MAP4K5: variants seen among roughly 807,000 people sequenced by gnomAD.
The protein encoded by MAP4K5 is MAPK/ERK kinase kinase kinase 5.
A neutral mutation model predicts 135.6 loss-of-function variants in MAP4K5; 82 were observed. That is an observed-to-expected ratio of 0.60 (90% CI 0.51 to 0.73). The LOEUF is 0.73. Ranked by LOEUF, MAP4K5 falls within the 30% of genes least tolerant of loss-of-function variation. The probability of loss-of-function intolerance (pLI) is 0.00; values close to 1 mark genes in which losing one functional copy is unlikely to be tolerated. For synonymous variants in MAP4K5, 347 were observed against 335.0 expected (o/e 1.04, Z -0.39); for missense variants, 907 against 1,010.9 (o/e 0.90, Z 1.39).
chr14:50,495,866 T>G (rs1042011397), intron 3 of MAP4K5, among the ~76,000 whole-genome samples: 4 of 152,224 alleles, frequency 2.6e-5, no homozygotes, highest in African/African-American at 7.2e-5. Context: ...GCCAAATTCA[T>G]AGATACCAAC....
intron 3 of MAP4K5, among the ~76,000 whole-genome samples, chr14:50,487,796 T>G (rs2037398361): frequency 6.6e-6 from 1 of 152,154 alleles, no homozygotes; most frequent in Non-Finnish European, 1.5e-5. Flanking sequence ...CTGCTTTCTG[T>G]GTTCACTCGC....
At chr14:50,553,518 A>G (rs2038728695) in intron 1 of MAP4K5, among the ~76,000 whole-genome samples, 1 of 152,190 alleles carries the variant, frequency 6.6e-6, no homozygotes, top group Non-Finnish European at 1.5e-5. Context: ...GTAAACTAGT[A>G]CAACCACTAC....
chr14:50,491,404 C>T (rs1207424292), intron 3 of MAP4K5, among the ~76,000 whole-genome samples: 1 of 150,830 alleles, frequency 6.6e-6, no homozygotes. Context: ...CTCACTGCAA[C>T]CTCTACCTCC....
chr14:50,426,579 C>T (rs1411264750), intron 30 of MAP4K5, among the ~76,000 whole-genome samples: 1 of 152,108 alleles, frequency 6.6e-6, no homozygotes, highest in Non-Finnish European at 1.5e-5. Context: ...CAAAAATTAG[C>T]CAGGTGTGGT....
intron 3 of MAP4K5, among the ~76,000 whole-genome samples, chr14:50,498,109 G>C (rs754526957): frequency 1.4e-4 from 21 of 152,182 alleles, no homozygotes; most frequent in Non-Finnish European, 2.8e-4. Flanking sequence ...GGCAAACTGA[G>C]CATCTGTAAA....
intron 2 of MAP4K5, among the ~76,000 whole-genome samples, chr14:50,517,643 C>T (rs1378720053): frequency 6.6e-6 from 1 of 151,916 alleles, no homozygotes; most frequent in African/African-American, 2.4e-5. Context: ...TGGGTGGGCA[C>T]CTGTAGTTCC....
intron 2 of MAP4K5, among the ~76,000 whole-genome samples, chr14:50,541,786 C>T (rs1472810081): frequency 6.6e-6 from 1 of 151,500 alleles, no homozygotes; most frequent in Non-Finnish European, 1.5e-5. Context: ...TTAGGGAGGC[C>T]GAGGCAGGAG....
chr14:50,452,411 C>T (rs1039589574), intron 14 of MAP4K5, among the ~76,000 whole-genome samples: 14 of 152,140 alleles, frequency 9.2e-5, no homozygotes, highest in Admixed American at 8.5e-4. Flanking sequence ...TGACAAGTGA[C>T]GGCAGTTCCC....
chr14:50,450,342 A>G (rs1188167187), intron 14 of MAP4K5: 2 of 152,252 alleles, frequency 1.3e-5, no homozygotes, highest in Non-Finnish European at 2.9e-5. Flanking sequence ...TGTACAAACT[A>G]AAGCAACTGT....
chr14:50,541,662 T>C (rs910022841), intron 2 of MAP4K5, among the ~76,000 whole-genome samples: 4 of 152,084 alleles, frequency 2.6e-5, no homozygotes, highest in African/African-American at 9.7e-5. Flanking sequence ...AACAGGAAAC[T>C]GTATGGAGTC....
At chr14:50,548,991 G>T (rs1227052886) in intron 1 of MAP4K5, among the ~76,000 whole-genome samples, 1 of 152,206 alleles carries the variant, frequency 6.6e-6, no homozygotes, top group South Asian at 2.1e-4. Flanking sequence ...CGTCTCTGGG[G>T]TGGCACAATT....
chr14:50,546,626 T>G (rs1013195794), intron 1 of MAP4K5, among the ~76,000 whole-genome samples: 3 of 152,212 alleles, frequency 2.0e-5, no homozygotes, highest in African/African-American at 7.2e-5. Context: ...TTGTCTAGGT[T>G]TACTGATTAG....
At chr14:50,484,751 C>T (rs1420215003) in intron 5 of MAP4K5, among the ~76,000 whole-genome samples, 1 of 152,102 alleles carries the variant, frequency 6.6e-6, no homozygotes, top group Non-Finnish European at 1.5e-5. Flanking sequence ...GTAGTTACAA[C>T]CTATTATTTG....
chr14:50,465,918 A>G (rs763444475), intron 11 of MAP4K5, among the ~76,000 whole-genome samples: 3 of 152,162 alleles, frequency 2.0e-5, no homozygotes, highest in Non-Finnish European at 4.4e-5. Flanking sequence ...TACTAAAAAT[A>G]CAAAAATTAG....
At chr14:50,512,525 G>A (rs1259620594) in intron 2 of MAP4K5, among the ~76,000 whole-genome samples, 1 of 152,114 alleles carries the variant, frequency 6.6e-6, no homozygotes, top group Admixed American at 6.5e-5. Context: ...TACAGCTCCC[G>A]CTGATAGGAA....
rs2035837156 is a variant in MAP4K5, at chr14:50,425,977, A to G, written c.2327T>C (p.Val776Ala). Residue 776 changes from valine (V) to alanine (A), a missense_variant and splice_region_variant, in exon 31 of 33, where the codon GTA (valine) becomes GCA (alanine). This residue lies in a region of MAP4K5 where 690 missense variants were observed against 777.4 expected (regional missense o/e 0.89). Coordinates refer to ENST00000682126, the MANE Select transcript of MAP4K5 (RefSeq NM_006575.6). Reference protein sequence around the residue: ...LSFDFRIESVVCLQDSVLAFW... With the variant: ...LSFDFRIESVACLQDSVLAFW... ...AGCCAACACACTGTCTTGAAGGCAT[A>G]CTAAAAATGATAAGGGAGAAGTGAA... 6.3e-7 allele frequency: 1 copy of G among 1,598,596 alleles called. No individual in the cohort carries two copies. Among genetic ancestry groups the G allele is most frequent in the African/African-American group, 1.3e-5 (1 of 74,686 alleles).
chr14:50,430,029 T>C (rs1394844867), intron 28 of MAP4K5, among the ~76,000 whole-genome samples: 5 of 152,062 alleles, frequency 3.3e-5, no homozygotes, highest in African/African-American at 9.7e-5. Flanking sequence ...GTGCTTTTAT[T>C]GAAGAATTTT....
At chr14:50,547,078 T>A (rs1417499718) in intron 1 of MAP4K5, among the ~76,000 whole-genome samples, 1 of 152,082 alleles carries the variant, frequency 6.6e-6, no homozygotes, top group Non-Finnish European at 1.5e-5. Context: ...AGGGGGGAAC[T>A]TTAAGGTTTT....
At chr14:50,490,673 C>T (rs1388036084) in intron 3 of MAP4K5, among the ~76,000 whole-genome samples, 1 of 152,140 alleles carries the variant, frequency 6.6e-6, no homozygotes, top group African/African-American at 2.4e-5. Context: ...GGCAGCCAAC[C>T]CCCTAAAACA....
Sources: allele counts gnomAD v4.1 joint callset (sites outside exome capture counted in the v4.1 genomes callset), GRCh38; gene constraint gnomAD v4.1.1; regional missense constraint gnomAD v4.1.1; transcripts MANE v1.5; gene names NCBI Gene and HGNC (gene_info 2026-07-23, HGNC 2026-07-21).